The following SNTB2 variants were observed in gnomAD, a reference collection of about 807,000 sequenced individuals.
SNTB2 encodes the protein beta-2-syntrophin.
SNTB2 carries 34 observed loss-of-function variants against 46.2 expected under a neutral mutation model. The observed-to-expected ratio is 0.74, with a 90% CI of 0.56 to 0.98. The LOEUF (loss-of-function observed/expected upper bound fraction) is 0.98, where lower values mean the gene tolerates loss of function less well. SNTB2 is among the 50% of genes least tolerant of loss of function. The pLI, the probability that SNTB2 is intolerant of heterozygous loss-of-function variation, is 0.00. For missense variants in SNTB2, 603 were observed against 731.4 expected, an observed-to-expected ratio of 0.82 and a Z score of 2.02; for synonymous variants, 290 against 312.6, an observed-to-expected ratio of 0.93 and a Z score of 0.76.
At chr16:69,294,407 A>G (rs1048474498) in intron 5 of SNTB2, among the ~76,000 whole-genome samples, 3 of 152,094 alleles carry the variant, frequency 2.0e-5, no homozygotes, top group Non-Finnish European at 4.4e-5. Flanking sequence ...TCAGTCCCAT[A>G]CACTGAAACT....
intron 5 of SNTB2, among the ~76,000 whole-genome samples, chr16:69,292,460 A>C (rs1167127845): frequency 9.1e-6 from 1 of 109,782 alleles, no homozygotes; most frequent in Admixed American, 1.1e-4. Context: ...TTTTTTTTTG[A>C]GACAGAGTTT....
chr16:69,292,401 TATATATTATATATATATTATA>T (rs1965176281), intron 5 of SNTB2, among the ~76,000 whole-genome samples: 2 of 24,880 alleles, frequency 8.0e-5, no homozygotes, highest in Non-Finnish European at 1.2e-4. Context: ...TATATATATA[TATATATTATATATATATTATA>T]TATATATATA....
intron 5 of SNTB2, among the ~76,000 whole-genome samples, chr16:69,297,667 T>G (rs971195290): frequency 4.0e-5 from 6 of 149,566 alleles, no homozygotes; most frequent in African/African-American, 1.5e-4. Context: ...ATCCCCACAC[T>G]TTGGGAGGCC....
chr16:69,206,273 T>TA (rs1964217738), intron 1 of SNTB2, among the ~76,000 whole-genome samples: 1 of 152,170 alleles, frequency 6.6e-6, no homozygotes, highest in Non-Finnish European at 1.5e-5. Context: ...GAGCTGGAAT[T>TA]ACAGGCATGA....
chr16:69,226,468 A>T (rs1964461579), intron 1 of SNTB2, among the ~76,000 whole-genome samples: 4 of 151,874 alleles, frequency 2.6e-5, no homozygotes, highest in Admixed American at 2.6e-4. Context: ...TGAGGCAAGG[A>T]CTGACTTTCT....
intron 2 of SNTB2, among the ~76,000 whole-genome samples, chr16:69,246,137 A>G (rs1281863571): frequency 6.6e-6 from 1 of 152,158 alleles, no homozygotes; most frequent in Admixed American, 6.5e-5. Context: ...TTTTTTCACT[A>G]TGAATATGTA....
At chr16:69,195,580 A>G (rs1186053418) in intron 1 of SNTB2, among the ~76,000 whole-genome samples, 1 of 152,104 alleles carries the variant, frequency 6.6e-6, no homozygotes, top group Non-Finnish European at 1.5e-5. Context: ...GTGGGATCCA[A>G]AGGCTCAAAT....
At chr16:69,225,854 G>A (rs971456097) in intron 1 of SNTB2, among the ~76,000 whole-genome samples, 15 of 151,944 alleles carry the variant, frequency 9.9e-5, no homozygotes, top group Non-Finnish European at 1.8e-4. Context: ...TGCAGCCTCC[G>A]CCTCCTGGGT....
At chr16:69,192,526 A>C (rs1190230467) in intron 1 of SNTB2, among the ~76,000 whole-genome samples, 1 of 152,152 alleles carries the variant, frequency 6.6e-6, no homozygotes, top group East Asian at 1.9e-4. Context: ...TTAGTTTATA[A>C]ACAGTATACT....
chr16:69,245,918 A>C, intron 2 of SNTB2, 103 bp downstream of exon 2: 1 of 1,193,286 alleles, frequency 8.4e-7, no homozygotes, highest in Non-Finnish European at 1.2e-6. Flanking sequence ...AGAGGAAAAC[A>C]TCTGTCTGAG....
intron 2 of SNTB2, among the ~76,000 whole-genome samples, chr16:69,259,058 C>T (rs2143085784): frequency 6.6e-6 from 1 of 152,094 alleles, no homozygotes; most frequent in South Asian, 2.1e-4. Flanking sequence ...CTATGTGGTT[C>T]AGCAAGCATG....
intron 5 of SNTB2, among the ~76,000 whole-genome samples, chr16:69,290,907 C>A (rs1158789076): frequency 6.6e-6 from 1 of 152,194 alleles, no homozygotes; most frequent in Non-Finnish European, 1.5e-5. Context: ...AAATGACTCA[C>A]ACTTATGACC....
At chr16:69,300,713 A>T (rs951845891) in intron 6 of SNTB2, 119 bp from the exon 7 acceptor site, 2 of 702,358 alleles carry the variant, frequency 2.8e-6, no homozygotes, top group African/African-American at 3.5e-5. Context: ...TTAAGTTCCT[A>T]AGAGTTTCCA....
intron 1 of SNTB2, among the ~76,000 whole-genome samples, chr16:69,214,037 C>G (rs1306112722): frequency 6.6e-6 from 1 of 151,146 alleles, no homozygotes; most frequent in Non-Finnish European, 1.5e-5. Context: ...CTTGGCCAGG[C>G]TGGTCTTGAA....
At chr16:69,265,969 G>T (rs1483875186) in intron 3 of SNTB2, among the ~76,000 whole-genome samples, 3 of 152,076 alleles carry the variant, frequency 2.0e-5, no homozygotes, top group African/African-American at 7.2e-5. Context: ...AAACTCAATG[G>T]TGGGATCCCC....
At chr16:69,229,605 C>T (rs986988648) in intron 1 of SNTB2, among the ~76,000 whole-genome samples, 17 of 150,144 alleles carry the variant, frequency 1.1e-4, no homozygotes, top group Non-Finnish European at 1.6e-4. Context: ...TTTGGGAGGC[C>T]GAGGTGGGCG....
At chr16:69,240,098 G>A (rs529816182) in intron 1 of SNTB2, among the ~76,000 whole-genome samples, 10 of 152,212 alleles carry the variant, frequency 6.6e-5, no homozygotes, top group African/African-American at 2.4e-4. Context: ...TTAGTGTACA[G>A]GCTTTTGTGT....
At chr16:69,280,884 G>C (rs985035245) in intron 4 of SNTB2, among the ~76,000 whole-genome samples, 6 of 150,742 alleles carry the variant, frequency 4.0e-5, no homozygotes, top group Non-Finnish European at 7.4e-5. Flanking sequence ...TGTAAGCTCT[G>C]CCTCCCGGGT....
intron 2 of SNTB2, among the ~76,000 whole-genome samples, chr16:69,249,455 A>T (rs1329807854): frequency 6.6e-6 from 1 of 152,248 alleles, no homozygotes; most frequent in Admixed American, 6.5e-5. Flanking sequence ...GGAAGGAAGA[A>T]GATGATATGA....
Sources: allele counts gnomAD v4.1 joint callset (sites outside exome capture counted in the v4.1 genomes callset), GRCh38; gene constraint gnomAD v4.1.1; transcripts MANE v1.5; gene names NCBI Gene and HGNC (gene_info 2026-07-23, HGNC 2026-07-21).